The following COL4A6 variants were observed in gnomAD, a reference collection of about 807,000 sequenced individuals.
COL4A6 encodes the protein collagen alpha-6(IV) chain.
A neutral mutation model predicts 126.7 loss-of-function variants in COL4A6; 59 were observed. The ratio of observed to expected loss-of-function variants is 0.47; its 90% CI spans 0.38 to 0.58. The LOEUF is 0.58. Among genes scored for constraint, COL4A6 ranks in the 20% least tolerant of loss-of-function variants. COL4A6 has a pLI of 0.00. For synonymous variants in COL4A6, 547 were observed against 496.6 expected (o/e 1.10, Z -1.35); for missense variants, 1,285 against 1,337.3 (o/e 0.96, Z 0.61).
chrX:108,335,712 C>T (rs935075039), intron 2 of COL4A6, among the ~76,000 whole-genome samples: 1 of 110,175 alleles, frequency 9.1e-6, no homozygotes, highest in Non-Finnish European at 1.9e-5. Flanking sequence ...CTGGAAATTC[C>T]GACTACTTCC....
chrX:108,283,213 G>C (rs188096157), intron 3 of COL4A6, among the ~76,000 whole-genome samples: 1 of 111,796 alleles, frequency 8.9e-6, no homozygotes, highest in Non-Finnish European at 1.9e-5. Flanking sequence ...CAGATAGTCA[G>C]CCTTTGAGGC....
intron 28 of COL4A6, among the ~76,000 whole-genome samples, chrX:108,176,614 T>G (rs2034497839): frequency 8.9e-6 from 1 of 111,893 alleles, no homozygotes; most frequent in South Asian, 3.8e-4. Flanking sequence ...AGGGTTTTGC[T>G]GACCATGATA....
intron 28 of COL4A6, among the ~76,000 whole-genome samples, chrX:108,176,065 C>T (rs2034477414): frequency 9.0e-6 from 1 of 111,148 alleles, no homozygotes; most frequent in Non-Finnish European, 1.9e-5. Context: ...GTGGGTCACA[C>T]TGTAATCCTA....
chrX:108,422,628 C>T (rs763532385), intron 2 of COL4A6, among the ~76,000 whole-genome samples: 1 of 111,429 alleles, frequency 9.0e-6, no homozygotes, highest in East Asian at 2.8e-4. Flanking sequence ...GACTCTAAAA[C>T]GCAATGTTTT....
chrX:108,287,058 G>A (rs182996903), intron 3 of COL4A6, among the ~76,000 whole-genome samples: 1 of 111,551 alleles, frequency 9.0e-6, no homozygotes, highest in East Asian at 2.8e-4. Context: ...TCATGGAGAT[G>A]CCATTCAAGC....
intron 2 of COL4A6, among the ~76,000 whole-genome samples, chrX:108,377,240 T>A (rs2040456221): frequency 8.9e-6 from 1 of 112,489 alleles, no homozygotes; most frequent in Non-Finnish European, 1.9e-5. Context: ...GCTGCCAGCA[T>A]GTCCCACCTC....
At chrX:108,201,845 C>T (rs1187188374) in intron 13 of COL4A6, among the ~76,000 whole-genome samples, 3 of 111,360 alleles carry the variant, frequency 2.7e-5, no homozygotes, top group South Asian at 3.8e-4. Context: ...CCCCTTCCTC[C>T]CACAGCCAGA....
chrX:108,420,711 G>A lies in COL4A6; in HGVS notation c.63+17231C>T, dbSNP rs751588625. On this transcript the variant is annotated intron_variant, in intron 2 of 44. Coordinates refer to ENST00000334504, the MANE Select transcript of COL4A6 (RefSeq NM_033641.4). ...ACAATTCAGGACAGGGCAGCCTCAG[G>A]GGACTGGTATAAATGCTTCTTCTCA... Among the ~76,000 whole-genome samples, 8 of 111,980 alleles carry A rather than the reference G, an allele frequency of 7.1e-5. No homozygotes were observed. The East Asian group carries it at 2.0e-3, about 28-fold the overall frequency.
chrX:108,169,846 A>C, intron 36 of COL4A6, 99 bp downstream of exon 36: 1 of 891,768 alleles, frequency 1.1e-6, no homozygotes, highest in East Asian at 3.4e-5. Context: ...TATGAGTCCA[A>C]GGATATGGGA....
At chrX:108,359,948 G>T (rs928581500) in intron 2 of COL4A6, among the ~76,000 whole-genome samples, 2 of 112,200 alleles carry the variant, frequency 1.8e-5, no homozygotes, top group Non-Finnish European at 3.8e-5. Flanking sequence ...CTGAGTAGCT[G>T]CTAGAAGACT....
chrX:108,174,653 A>G, intron 30 of COL4A6, 32 bp from the exon 31 acceptor site: 4 of 1,125,195 alleles, frequency 3.6e-6, no homozygotes, highest in Non-Finnish European at 4.7e-6. Context: ...TTGGAAAAAG[A>G]CACTGGGCAA....
chrX:108,292,847 G>A (rs971039347), intron 3 of COL4A6, among the ~76,000 whole-genome samples: 2 of 106,631 alleles, frequency 1.9e-5, no homozygotes, highest in Non-Finnish European at 3.9e-5. Context: ...TACTAGGGAG[G>A]CAGAAGTGGA....
chrX:108,171,767 G>T (rs1334020313), intron 32 of COL4A6, among the ~76,000 whole-genome samples: 1 of 111,972 alleles, frequency 8.9e-6, no homozygotes, highest in East Asian at 2.8e-4. Flanking sequence ...GAACAGTGAT[G>T]CCAGCAAGAA....
At chrX:108,397,834 C>A (rs757977655) in intron 2 of COL4A6, among the ~76,000 whole-genome samples, 1 of 111,622 alleles carries the variant, frequency 9.0e-6, no homozygotes, top group Non-Finnish European at 1.9e-5. Flanking sequence ...TGATACCAAG[C>A]AAAGGAATTC....
chrX:108,211,604 G>C (rs1253626942), intron 7 of COL4A6, 68 bp downstream of exon 7: 2 of 984,919 alleles, frequency 2.0e-6, no homozygotes, highest in African/African-American at 3.8e-5. Context: ...GTTTTCACTG[G>C]AGGTGGGGCC....
chrX:108,302,953 A>G (rs921002949), intron 3 of COL4A6, among the ~76,000 whole-genome samples: 12 of 110,852 alleles, frequency 1.1e-4, no homozygotes, highest in Non-Finnish European at 2.1e-4. Flanking sequence ...AGAAATTTTC[A>G]TATTTTCTTC....
At chrX:108,275,139 G>GT (rs1310798520) in intron 3 of COL4A6, among the ~76,000 whole-genome samples, 1 of 111,151 alleles carries the variant, frequency 9.0e-6, no homozygotes, top group Non-Finnish European at 1.9e-5. Context: ...AAATTTTATA[G>GT]TTTTTATTCT....
intron 3 of COL4A6, among the ~76,000 whole-genome samples, chrX:108,302,303 C>T (rs191976778): frequency 7.4e-4 from 82 of 111,465 alleles, no homozygotes; most frequent in African/African-American, 2.5e-3. Flanking sequence ...ATATTATTAG[C>T]TAATACCTTA....
chrX:108,403,232 A>ATCTC (rs2041129314), intron 2 of COL4A6, among the ~76,000 whole-genome samples: 2 of 40,718 alleles, frequency 4.9e-5, no homozygotes, highest in East Asian at 1.3e-3. Context: ...TGCAAAGATT[A>ATCTC]GCTCTCTCTC....
Sources: gnomAD v4.1 joint callset for allele counts (sites outside exome capture counted in the v4.1 genomes callset) on GRCh38, gnomAD v4.1.1 for gene constraint, MANE v1.5 for transcripts, NCBI Gene and HGNC (gene_info 2026-07-23, HGNC 2026-07-21) for gene names.